The following PRPSAP2 variants were observed in gnomAD, a reference collection of about 807,000 sequenced individuals.
The protein encoded by PRPSAP2 is phosphoribosyl pyrophosphate synthetase associated protein 2.
Under a neutral mutation model 40.6 loss-of-function variants are expected in PRPSAP2, and 24 were observed. The observed-to-expected ratio is 0.59, with a 90% CI of 0.43 to 0.83. The LOEUF (loss-of-function observed/expected upper bound fraction) is 0.83. Among genes scored for constraint, PRPSAP2 ranks in the 40% least tolerant of loss-of-function variants. PRPSAP2 has a pLI of 0.00. For synonymous variants in PRPSAP2, 149 were observed against 164.7 expected, an observed-to-expected ratio of 0.90 and a Z score of 0.73; for missense variants, 292 against 465.6, an observed-to-expected ratio of 0.63 and a Z score of 3.43.
intron 10 of PRPSAP2, among the ~76,000 whole-genome samples, chr17:18,927,280 A>G (rs1266405659): frequency 6.6e-6 from 1 of 152,218 alleles, no homozygotes; most frequent in Admixed American, 6.5e-5. Context: ...TGCACTGGGG[A>G]ATAAGTTTCC....
chr17:18,895,411 T>C (rs2039855309), intron 8 of PRPSAP2, among the ~76,000 whole-genome samples: 1 of 151,922 alleles, frequency 6.6e-6, no homozygotes, highest in South Asian at 2.1e-4. Flanking sequence ...TAAATAAATA[T>C]TTCATTTCTT....
At chr17:18,907,367 T>C (rs2040661524) in intron 8 of PRPSAP2, among the ~76,000 whole-genome samples, 2 of 152,200 alleles carry the variant, frequency 1.3e-5, no homozygotes, top group Admixed American at 6.5e-5. Context: ...GTTCTAAACA[T>C]TTATAAACTA....
intron 9 of PRPSAP2, among the ~76,000 whole-genome samples, chr17:18,919,475 T>C (rs1465867145): frequency 6.7e-6 from 1 of 150,084 alleles, no homozygotes; most frequent in Non-Finnish European, 1.5e-5. Context: ...GCCACTGCAC[T>C]CCAGCCTGGG....
rs113596831 is a variant in PRPSAP2, at chr17:18,878,033, G to T, written c.412+163G>T. Among the ~76,000 whole-genome samples the T allele has an allele frequency of 7.6e-4, 116 of 152,158 alleles. 1 individual carries two copies. Among genetic ancestry groups the T allele is most frequent in the African/African-American group, 2.7e-3 (112 of 41,506 alleles). Reference sequence around the variant, plus strand: ...ACTCCTACAGTCAAGCAGTCCACCAGAGCCTCCCAAGTAGCTAGGACTATA... The same window carrying T: ...ACTCCTACAGTCAAGCAGTCCACCATAGCCTCCCAAGTAGCTAGGACTATA... On this transcript the variant is annotated intron_variant, in intron 6 of 11. Coordinates refer to ENST00000268835, the MANE Select transcript of PRPSAP2 (RefSeq NM_002767.4).
intron 6 of PRPSAP2, among the ~76,000 whole-genome samples, chr17:18,879,633 T>C (rs1268808726): frequency 6.6e-6 from 1 of 151,938 alleles, no homozygotes; most frequent in Non-Finnish European, 1.5e-5. Context: ...TTTGTATTTT[T>C]AGTAGAGACG....
At chr17:18,930,367 C>G (rs930781159) in intron 11 of PRPSAP2, among the ~76,000 whole-genome samples, 173 bp from the exon 12 acceptor site, 1 of 152,098 alleles carries the variant, frequency 6.6e-6, no homozygotes, top group Non-Finnish European at 1.5e-5. Flanking sequence ...GAGCAAGACT[C>G]CGTCTAAAAA....
chr17:18,873,935 T>C (rs959179874), intron 5 of PRPSAP2, among the ~76,000 whole-genome samples: 2 of 151,976 alleles, frequency 1.3e-5, no homozygotes, highest in Non-Finnish European at 2.9e-5. Flanking sequence ...GGTAGAGTCT[T>C]GCTCTGTTGT....
At chr17:18,864,179 TGTATAAATGCA>T (rs1225553139) in intron 1 of PRPSAP2, among the ~76,000 whole-genome samples, 1 of 152,006 alleles carries the variant, frequency 6.6e-6, no homozygotes, top group Non-Finnish European at 1.5e-5. Flanking sequence ...GGAGGTCACA[TGTATAAATGCA>T]TAGAAAAAGT....
intron 8 of PRPSAP2, among the ~76,000 whole-genome samples, chr17:18,905,210 G>C (rs2040508796): frequency 6.6e-6 from 1 of 152,024 alleles, no homozygotes; most frequent in East Asian, 1.9e-4. Flanking sequence ...ATTTTTAGTA[G>C]AGACGGGGTT....
At chr17:18,883,643 C>G (rs1020207621) in intron 7 of PRPSAP2, among the ~76,000 whole-genome samples, 1 of 152,078 alleles carries the variant, frequency 6.6e-6, no homozygotes, top group Non-Finnish European at 1.5e-5. Flanking sequence ...GCCTCGGCCT[C>G]CCAAAGTGCT....
intron 10 of PRPSAP2, among the ~76,000 whole-genome samples, chr17:18,927,312 C>G (rs1012768101): frequency 6.6e-6 from 1 of 152,190 alleles, no homozygotes; most frequent in Non-Finnish European, 1.5e-5. Context: ...TTTGGAGGGA[C>G]AAAAACATTC....
At position 18,911,494 on chromosome 17, in the gene PRPSAP2, A is replaced by C. The variant is rs372393281; in HGVS notation, c.733+243A>C. On this transcript the variant is annotated intron_variant, in intron 9 of 11. Coordinates refer to ENST00000268835, the MANE Select transcript of PRPSAP2 (RefSeq NM_002767.4). This position sits in a 1 kb window ranked among gnomAD's most constrained non-coding sequence, Gnocchi z 4.5. ...ATGTTTGGACTATTGAGACAGTTGC[A>C]ATGCTTCAGGGAAGTCCATTCATTC... 2.6e-5 allele frequency among the ~76,000 whole-genome samples: 4 copies of C among 152,348 alleles called. No homozygotes were observed. In the East Asian group the frequency reaches 7.7e-4, roughly 29 times the overall value.
intron 1 of PRPSAP2, chr17:18,865,010 C>A (rs576964603): frequency 6.6e-6 from 1 of 152,362 alleles, no homozygotes; most frequent in East Asian, 1.9e-4. Context: ...CCATGCCCAG[C>A]TATTTTTTGT....
At chr17:18,929,239 C>T (rs1373878046) in intron 11 of PRPSAP2, among the ~76,000 whole-genome samples, 2 of 152,016 alleles carry the variant, frequency 1.3e-5, no homozygotes, top group African/African-American at 2.4e-5. Flanking sequence ...CACCTGTAAT[C>T]CCAGCTACTT....
At chr17:18,873,552 CAATT>C (rs1249909837) in intron 5 of PRPSAP2, among the ~76,000 whole-genome samples, 3 of 152,162 alleles carry the variant, frequency 2.0e-5, no homozygotes, top group Non-Finnish European at 4.4e-5. Flanking sequence ...AGTTTCCTAA[CAATT>C]AACAGCCAGA....
In PRPSAP2 at chr17:18,928,929, G is replaced by T. The variant is rs749621665; in HGVS notation, c.923G>T (p.Arg308Leu). ...THGLLSSDAPRRIEESAIDEV... is the reference protein window; with the variant it reads ...THGLLSSDAPLRIEESAIDEV... Reference sequence around the variant, plus strand: ...GGCTTGTTGTCTTCTGACGCCCCCCGGCGGATTGAAGAGTCTGCCATTGAT... The same window carrying T: ...GGCTTGTTGTCTTCTGACGCCCCCCTGCGGATTGAAGAGTCTGCCATTGAT... Residue 308 changes from arginine to leucine, a missense_variant, in exon 11 of 12, where the codon CGG becomes CTG. Physicochemically the swap from Arg to Leu is moderately radical, Grantham distance 102. Coordinates refer to ENST00000268835, the MANE Select transcript of PRPSAP2 (RefSeq NM_002767.4). 3 of 1,613,948 alleles carry T rather than the reference G, an allele frequency of 1.9e-6. No individual in the cohort carries two copies. The East Asian group carries it at 6.7e-5, about 36-fold the overall frequency.
intron 8 of PRPSAP2, among the ~76,000 whole-genome samples, chr17:18,891,884 T>C (rs2039565544): frequency 6.6e-6 from 1 of 152,232 alleles, no homozygotes; most frequent in African/African-American, 2.4e-5. Context: ...CGAGACAAAA[T>C]CTTACTCTGT....
rs759067045 is a variant in PRPSAP2, at chr17:18,930,859, T to G, written c.*161T>G. 2 of 560,070 alleles carry G rather than the reference T, an allele frequency of 3.6e-6. No homozygotes were observed. Among genetic ancestry groups the G allele is most frequent in the Non-Finnish European group, 5.5e-6 (2 of 364,328 alleles). The allele number at this position is 560,070 out of a possible 1,614,324, so 34.7% of individuals were successfully genotyped here. On this transcript the variant is annotated 3_prime_UTR_variant, in exon 12 of 12. Coordinates refer to ENST00000268835, the MANE Select transcript of PRPSAP2 (RefSeq NM_002767.4). ...AGATAGACCAACTTTTTATGTCGGT[T>G]TGGGTGTTTGTGAGTTTGGGGAGCA...
In PRPSAP2 at chr17:18,899,385, C is replaced by T. The variant is rs143566915; in HGVS notation, c.584+9508C>T. On this transcript the variant is annotated intron_variant, in intron 8 of 11. Transcript: ENST00000268835. ...ACAAGCACATGCCACCATGCCCTGCCACAGCCATTGTTCTCTCTGTTGTCC... is the reference window on the plus strand; with the variant it reads ...ACAAGCACATGCCACCATGCCCTGCTACAGCCATTGTTCTCTCTGTTGTCC... Among the ~76,000 whole-genome samples, 698 of 152,136 alleles carry T rather than the reference C, an allele frequency of 4.6e-3. 4 individuals are homozygous for T. The highest frequency in any genetic ancestry group is 0.015 in the African/African-American group (643 of 41,496).
Sources: gnomAD v4.1 joint callset for allele counts (sites outside exome capture counted in the v4.1 genomes callset) on GRCh38, gnomAD v4.1.1 for gene constraint, Gnocchi (gnomAD v3.1) non-coding constraint, MANE v1.5 for transcripts, NCBI Gene and HGNC (gene_info 2026-07-23, HGNC 2026-07-21) for gene names.